Variants in CDH18 observed in about 807,000 individuals in gnomAD.
CDH18 encodes cadherin 18.
CDH18 carries 31 observed loss-of-function variants against 67.9 expected under a neutral mutation model. The ratio of observed to expected loss-of-function variants is 0.46; its 90% CI spans 0.34 to 0.62. CDH18 has a LOEUF of 0.62. Ranked by LOEUF, CDH18 falls within the 20% of genes least tolerant of loss-of-function variation. The probability of loss-of-function intolerance (pLI) is 0.01; values close to 1 mark genes in which losing one functional copy is unlikely to be tolerated. For synonymous variants in CDH18, 362 were observed against 347.2 expected (o/e 1.04, Z -0.48); for missense variants, 890 against 975.5 (o/e 0.91, Z 1.17).
intron 1 of CDH18, among the ~76,000 whole-genome samples, chr5:20,371,412 A>G (rs1742986891): frequency 6.6e-6 from 1 of 152,188 alleles, no homozygotes; most frequent in Non-Finnish European, 1.5e-5. Flanking sequence ...GCCTTGACGC[A>G]TTGTTCTGCA....
At position 19,654,205 on chromosome 5, in the gene CDH18, G is replaced by A. The variant is rs114038442; in HGVS notation, c.644-41604C>T. Among the ~76,000 whole-genome samples, 1,135 of 152,194 alleles carry A rather than the reference G, an allele frequency of 7.5e-3. 14 individuals are homozygous for A. The highest frequency in any genetic ancestry group is 0.026 in the African/African-American group (1,074 of 41,534). On this transcript the variant is annotated intron_variant, in intron 5 of 12. Coordinates refer to ENST00000382275, the MANE Select transcript of CDH18 (RefSeq NM_004934.5). ...AATAGAATGGGTGCATTTTGGTCTTGGGTTTAATTATTGCATGTTTGATGG... is the reference window on the plus strand; with the variant it reads ...AATAGAATGGGTGCATTTTGGTCTTAGGTTTAATTATTGCATGTTTGATGG...
intron 1 of CDH18, among the ~76,000 whole-genome samples, chr5:20,366,539 A>G (rs1007400455): frequency 4.6e-5 from 7 of 152,226 alleles, no homozygotes; most frequent in Non-Finnish European, 1.0e-4. Flanking sequence ...ATGGTGGAGA[A>G]GCTGGAGCCA....
chr5:19,835,346 A>G (rs2150010198), intron 3 of CDH18, among the ~76,000 whole-genome samples: 1 of 152,200 alleles, frequency 6.6e-6, no homozygotes, highest in South Asian at 2.1e-4. Context: ...AGAGAGGGAA[A>G]AAACACACAC....
chr5:19,674,564 T>G (rs1012889803), intron 5 of CDH18, among the ~76,000 whole-genome samples: 2 of 152,082 alleles, frequency 1.3e-5, no homozygotes, highest in Admixed American at 6.6e-5. Flanking sequence ...AATCTAATGG[T>G]AAGTAGTCAA....
chr5:20,572,666 C>A (rs1485006077), intron 1 of CDH18, among the ~76,000 whole-genome samples: 2 of 152,100 alleles, frequency 1.3e-5, no homozygotes, highest in Admixed American at 1.3e-4. Flanking sequence ...AGCTCTATAA[C>A]CTCTTTCAGT....
At position 20,504,050 on chromosome 5, in the gene CDH18, A is replaced by AG. The variant is rs70954665; in HGVS notation, c.-580+71411_-580+71412insC. Among the ~76,000 whole-genome samples, 787 of 111,512 alleles carry AG rather than the reference A, an allele frequency of 7.1e-3. 8 individuals are homozygous for AG. The highest frequency in any genetic ancestry group is 0.023 in the African/African-American group (720 of 31,740). The allele number at this position is 111,512 out of a possible 152,430, so 73.2% of individuals were successfully genotyped here. A position where few individuals can be genotyped will look rare whatever the true frequency, so the allele number is the denominator to read the frequency against. ...AAGACTCTGTCAAGAAAAAAAAAAA[A>AG]AGAGAGAGAGAGAGTTAGTACTGCT... is the stretch of plus-strand genomic sequence containing the variant. On this transcript the variant is annotated intron_variant, in intron 1 of 14. Coordinates refer to the CDH18 transcript ENST00000507958.
intron 2 of CDH18, among the ~76,000 whole-genome samples, chr5:20,187,563 G>T (rs999365061): frequency 4.6e-5 from 7 of 151,778 alleles, no homozygotes; most frequent in Non-Finnish European, 7.4e-5. Context: ...TAAATTTCCT[G>T]CTTGCAGCTG....
chr5:19,580,951 G>C lies in CDH18; in HGVS notation c.1000-9119C>G, dbSNP rs576323203. ...GATACCTTCATCATCATCTTTTCAA[G>C]TATTTATTATTAAGTTAAAAATGAG... is the stretch of plus-strand genomic sequence containing the variant. On this transcript the variant is annotated intron_variant, in intron 7 of 12. Coordinates refer to ENST00000382275, the MANE Select transcript of CDH18 (RefSeq NM_004934.5). Among the ~76,000 whole-genome samples, 7 of 151,974 alleles carry C rather than the reference G, an allele frequency of 4.6e-5. No individual in the cohort carries two copies. The South Asian group carries it at 1.4e-3, about 31-fold the overall frequency.
At chr5:20,498,538 T>C (rs541742674) in intron 1 of CDH18, among the ~76,000 whole-genome samples, 3 of 152,154 alleles carry the variant, frequency 2.0e-5, no homozygotes, top group African/African-American at 4.8e-5. Context: ...GTGAGAGTTA[T>C]ATTAACTCCA....
At chr5:19,861,421 T>C (rs765342821) in intron 2 of CDH18, among the ~76,000 whole-genome samples, 13 of 152,008 alleles carry the variant, frequency 8.6e-5, no homozygotes, top group Non-Finnish European at 1.5e-4. Context: ...GAAGACAAAG[T>C]CCAGAGGTAA....
chr5:20,150,699 G>A (rs1340781412), intron 2 of CDH18, among the ~76,000 whole-genome samples: 1 of 151,878 alleles, frequency 6.6e-6, no homozygotes, highest in Non-Finnish European at 1.5e-5. Flanking sequence ...AGACTGAATA[G>A]CTGCCTATTG....
intron 1 of CDH18, among the ~76,000 whole-genome samples, chr5:20,362,371 C>T (rs1431018906): frequency 6.6e-6 from 1 of 152,036 alleles, no homozygotes; most frequent in Non-Finnish European, 1.5e-5. Flanking sequence ...GATACAGCGC[C>T]GAGGAAGCAT....
At chr5:19,965,013 T>C (rs1797287937) in intron 2 of CDH18, among the ~76,000 whole-genome samples, 1 of 152,182 alleles carries the variant, frequency 6.6e-6, no homozygotes, top group Admixed American at 6.5e-5. Context: ...ACATATGCAA[T>C]ATATACCATA....
intron 1 of CDH18, among the ~76,000 whole-genome samples, chr5:20,542,541 T>C (rs1392491209): frequency 3.3e-5 from 5 of 151,694 alleles, no homozygotes; most frequent in Admixed American, 6.6e-5. Flanking sequence ...TATATGCATA[T>C]GGATATATAT....
chr5:19,945,304 A>G (rs1410852521), intron 2 of CDH18, among the ~76,000 whole-genome samples: 1 of 152,208 alleles, frequency 6.6e-6, no homozygotes, highest in Non-Finnish European at 1.5e-5. Flanking sequence ...TGAAGCAGAC[A>G]GGCAAAGAGT....
intron 1 of CDH18, among the ~76,000 whole-genome samples, chr5:20,558,002 T>A (rs913602758): frequency 2.1e-5 from 3 of 140,836 alleles, no homozygotes; most frequent in African/African-American, 8.1e-5. Flanking sequence ...ACATTAAATG[T>A]TATAGTTATA....
At position 19,473,371 on chromosome 5, in the gene CDH18, T is replaced by C. The variant is rs770563105; in HGVS notation, c.2228A>G (p.Gln743Arg). The change falls in exon 13 of 13, where the codon CAG becomes CGG. Residue 743 changes from glutamine to arginine, a missense_variant. Transcript: ENST00000382275. ...DSLQTYAYEG[Q>R]RSEAGSISSL... ...GCTGATAGACCCAGCTTCTGATCTC[T>C]GACCCTCATAGGCATAAGTCTGAAG... The C allele has an allele frequency of 2.5e-6, 4 of 1,613,944 alleles. No individual in the cohort carries two copies. The highest frequency in any genetic ancestry group is 3.4e-6 in the Non-Finnish European group (4 of 1,179,924).
chr5:20,516,511 A>G (rs2126504471), intron 1 of CDH18, among the ~76,000 whole-genome samples: 1 of 152,094 alleles, frequency 6.6e-6, no homozygotes, highest in South Asian at 2.1e-4. Context: ...TGGTTCTTAT[A>G]TTTCTATGCA....
intron 1 of CDH18, among the ~76,000 whole-genome samples, chr5:20,502,470 C>T (rs1754395670): frequency 6.6e-6 from 1 of 152,098 alleles, no homozygotes; most frequent in Non-Finnish European, 1.5e-5. Flanking sequence ...CCTAGTTCTT[C>T]AATTATTCAG....
Sources: gnomAD v4.1 joint callset for allele counts (sites outside exome capture counted in the v4.1 genomes callset) on GRCh38, gnomAD v4.1.1 for gene constraint, MANE v1.5 for transcripts, NCBI Gene and HGNC (gene_info 2026-07-23, HGNC 2026-07-21) for gene names.